The following SCN9A variants were observed in gnomAD, a reference collection of about 807,000 sequenced individuals.
SCN9A encodes the protein sodium voltage-gated channel alpha subunit 9, also known as sodium channel protein type 9 subunit alpha.
Under a neutral mutation model 187.0 loss-of-function variants are expected in SCN9A, and 131 were observed. That is an observed-to-expected ratio of 0.70 (90% confidence interval 0.61 to 0.81). SCN9A has a LOEUF of 0.81. Ranked by LOEUF, SCN9A falls within the 30% of genes least tolerant of loss-of-function variation. The pLI is 0.00. For missense variants in SCN9A, 2,252 were observed against 2,396.6 expected (o/e 0.94, Z 1.26); for synonymous variants, 809 against 808.6 (o/e 1.00, Z -0.01).
chr2:166,243,976 A>G (rs1450779126), intron 18 of SCN9A, among the ~76,000 whole-genome samples: 1 of 152,014 alleles, frequency 6.6e-6, no homozygotes, highest in African/African-American at 2.4e-5. Context: ...GATTCAAGAC[A>G]TATTTGGCAG....
In SCN9A at chr2:166,209,123, G is replaced by A. The variant is rs150123424; in HGVS notation, c.4399-4659C>T. Among the ~76,000 whole-genome samples, 502 of 152,292 alleles carry A rather than the reference G, an allele frequency of 3.3e-3. 3 individuals carry two copies. Among genetic ancestry groups the A allele is most frequent in the African/African-American group, 0.011 (468 of 41,572 alleles). On this transcript the variant is annotated intron_variant, in intron 24 of 26. Coordinates refer to ENST00000642356, the MANE Select transcript of SCN9A (RefSeq NM_001365536.1). Reference sequence around the variant, plus strand: ...GTTTGAGAGACTCTCAGTATCTCTAGCCAGGCTGACTGGCAAAGGTCTTGC... The same window carrying A: ...GTTTGAGAGACTCTCAGTATCTCTAACCAGGCTGACTGGCAAAGGTCTTGC...
At chr2:166,245,944 A>G (rs1217232436) in intron 18 of SCN9A, among the ~76,000 whole-genome samples, 3 of 152,032 alleles carry the variant, frequency 2.0e-5, no homozygotes, top group Non-Finnish European at 4.4e-5. Context: ...AAGTCTAATT[A>G]GTGCATTGAT....
chr2:166,222,945 C>CAAAAAAAAAA lies in SCN9A; in HGVS notation c.4398+3612_4398+3621dup, dbSNP rs1309168684. Among the ~76,000 whole-genome samples the CAAAAAAAAAA allele has an allele frequency of 5.8e-3, 261 of 44,824 alleles. 26 individuals are homozygous for CAAAAAAAAAA. Among genetic ancestry groups the CAAAAAAAAAA allele is most frequent in the Non-Finnish European group, 7.3e-3 (182 of 25,102 alleles). 29.4% of individuals were successfully genotyped at this position (44,824 alleles called of 152,430 possible). ...AACTCCGTCTCAAAAAAAAAAACAA[C>CAAAAAAAAAA]AAAAAAAAAAAAAAAAAAAAAAAAA... is the stretch of plus-strand genomic sequence containing the variant. On this transcript the variant is annotated intron_variant, in intron 24 of 26. Transcript: ENST00000642356.
chr2:166,369,893 A>G (rs540043962), intron 1 of SCN9A, among the ~76,000 whole-genome samples: 55 of 151,936 alleles, frequency 3.6e-4, no homozygotes, highest in African/African-American at 1.3e-3. Context: ...CTGATCTAGA[A>G]CTCCTGGATC....
chr2:166,359,769 G>T (rs1271744337), intron 1 of SCN9A, among the ~76,000 whole-genome samples: 4 of 77,156 alleles, frequency 5.2e-5, no homozygotes, highest in Admixed American at 2.2e-4. Flanking sequence ...ACAACTGATA[G>T]GGACTATTTC....
intron 1 of SCN9A, among the ~76,000 whole-genome samples, chr2:166,370,229 A>ATCATCATCATCATCATC (rs1553507725): frequency 1.5e-3 from 200 of 136,796 alleles, no homozygotes; most frequent in African/African-American, 5.2e-3. Flanking sequence ...TAATAATAAT[A>ATCATCATCATCATCATC]ATAATAATCA....
chr2:166,214,817 A>G (rs114063648), intron 24 of SCN9A, among the ~76,000 whole-genome samples: 3,171 of 152,058 alleles, frequency 0.021, 119 homozygotes, highest in African/African-American at 0.073. Context: ...CCCGGCCACA[A>G]TCTTTCTTTT....
intron 1 of SCN9A, among the ~76,000 whole-genome samples, chr2:166,313,051 GAATAT>G: frequency 4.5e-5 from 1 of 22,142 alleles, no homozygotes; most frequent in Admixed American, 3.2e-4. Context: ...GAATAGTAAA[GAATAT>G]AATTATTTAA....
chr2:166,289,267 A>C (rs1208246101), intron 9 of SCN9A, among the ~76,000 whole-genome samples: 1 of 150,398 alleles, frequency 6.6e-6, no homozygotes, highest in East Asian at 2.0e-4. Flanking sequence ...GACACGTGCC[A>C]TGGTGGTTTG....
intron 24 of SCN9A, among the ~76,000 whole-genome samples, chr2:166,223,835 C>T (rs1018211365): frequency 6.6e-6 from 1 of 152,076 alleles, no homozygotes; most frequent in African/African-American, 2.4e-5. Context: ...GCATCTACTA[C>T]GTACTTCTAC....
At chr2:166,298,874 A>G (rs762492695) in intron 7 of SCN9A, 2 of 152,184 alleles carry the variant, frequency 1.3e-5, no homozygotes, top group Non-Finnish European at 2.9e-5. Context: ...TTTGCACTCA[A>G]AATACACTAA....
Position 166,281,728 on chromosome 2 carries a change from G to A in SCN9A, c.2055C>T (p.Leu685=), listed in dbSNP as rs202048023. Residue 685 remains leucine (L), a synonymous_variant, in exon 13 of 27, where the codon CTC becomes CTT. Transcript: ENST00000642356. ...LSEDMLNDPN[L]RQRAMSRASI... The stretch of plus-strand genomic sequence containing the variant: ...TTGCTCTACTCATTGCTCTCTGTCT[G>A]AGGTTGGGATCATTCAGCATATCCT... The A allele has an allele frequency of 1.5e-5, 25 of 1,613,230 alleles. No individual in the cohort carries two copies. Among genetic ancestry groups the A allele is most frequent in the African/African-American group, 2.7e-5 (2 of 74,854 alleles).
At chr2:166,342,475 T>C (rs1699809111) in intron 1 of SCN9A, among the ~76,000 whole-genome samples, 1 of 152,210 alleles carries the variant, frequency 6.6e-6, no homozygotes, top group Non-Finnish European at 1.5e-5. Context: ...ACAAACATTA[T>C]GGCTTTAATT....
Position 166,199,999 on chromosome 2 carries a change from T to A in SCN9A, c.4775-135A>T, listed in dbSNP as rs1025963282. 1.8e-5 allele frequency: 9 copies of A among 508,102 alleles called. No homozygotes were observed. In the African/African-American group the frequency reaches 3.2e-4, roughly 18 times the overall value. The allele number at this position is 508,102 out of a possible 1,614,324, so 31.5% of individuals were successfully genotyped here. A position where few individuals can be genotyped will look rare whatever the true frequency, so the allele number is the denominator to read the frequency against. The stretch of plus-strand genomic sequence containing the variant: ...AGTTTTTTTTTTTTTTTTTTTTTTT[T>A]TTTTTTTTTTTTTTTTGAGACGGAG... On this transcript the variant is annotated intron_variant, in intron 26 of 26. Transcript: ENST00000642356.
chr2:166,222,799 C>T (rs1407652176), intron 24 of SCN9A, among the ~76,000 whole-genome samples: 7 of 145,892 alleles, frequency 4.8e-5, no homozygotes, highest in Non-Finnish European at 7.4e-5. Flanking sequence ...GGCATGGTGG[C>T]GCACGCCTGT....
At chr2:166,263,477 C>T (rs968629106) in intron 17 of SCN9A, among the ~76,000 whole-genome samples, 2 of 152,074 alleles carry the variant, frequency 1.3e-5, no homozygotes, top group East Asian at 1.9e-4. Flanking sequence ...TTCAGGTTCA[C>T]TGCCTGTACT....
At chr2:166,220,075 G>T (rs150898492) in intron 24 of SCN9A, among the ~76,000 whole-genome samples, 63 of 152,152 alleles carry the variant, frequency 4.1e-4, no homozygotes, top group African/African-American at 1.4e-3. Flanking sequence ...CATGTACTAC[G>T]ACCAAGTGGG....
intron 24 of SCN9A, among the ~76,000 whole-genome samples, chr2:166,213,241 T>A (rs909356847): frequency 2.7e-5 from 4 of 150,888 alleles, no homozygotes; most frequent in African/African-American, 9.7e-5. Context: ...CAAGCATAAC[T>A]AAGAAAAAAG....
At chr2:166,275,182 T>G (rs1697175878) in intron 16 of SCN9A, among the ~76,000 whole-genome samples, 2 of 152,208 alleles carry the variant, frequency 1.3e-5, no homozygotes, top group African/African-American at 2.4e-5. Context: ...TGAATTTGCC[T>G]GAATAAATAA....
Sources: allele counts gnomAD v4.1 joint callset (sites outside exome capture counted in the v4.1 genomes callset), GRCh38; gene constraint gnomAD v4.1.1; transcripts MANE v1.5; gene names NCBI Gene and HGNC (gene_info 2026-07-23, HGNC 2026-07-21).